Variants in SMYD3 observed in about 807,000 individuals in gnomAD.
SMYD3 encodes histone-lysine N-methyltransferase SMYD3.
Under a neutral mutation model 57.7 loss-of-function variants are expected in SMYD3, and 36 were observed. The observed-to-expected ratio is 0.62, with a 90% CI of 0.48 to 0.82. The LOEUF is 0.82. SMYD3 is among the 40% of genes least tolerant of loss of function. The pLI is 0.00. For missense variants in SMYD3, 515 were observed against 538.8 expected, an observed-to-expected ratio of 0.96 and a Z score of 0.44; for synonymous variants, 211 against 195.0, an observed-to-expected ratio of 1.08 and a Z score of -0.68.
At chr1:246,149,961 AC>A (rs2061915656) in intron 5 of SMYD3, among the ~76,000 whole-genome samples, 1 of 152,238 alleles carries the variant, frequency 6.6e-6, no homozygotes, top group African/African-American at 2.4e-5. Context: ...ATCTGAAACA[AC>A]CATTAACTTC....
chr1:246,019,376 ATTCTT>A, intron 5 of SMYD3, among the ~76,000 whole-genome samples: 1 of 152,374 alleles, frequency 6.6e-6, no homozygotes, highest in South Asian at 2.1e-4. Context: ...CTTTACAGCT[ATTCTT>A]TTGATTTCTT....
intron 10 of SMYD3, among the ~76,000 whole-genome samples, chr1:245,821,104 A>C (rs2049131221): frequency 6.7e-6 from 1 of 150,236 alleles, no homozygotes; most frequent in African/African-American, 2.4e-5. Flanking sequence ...TCCTAAGCCA[A>C]AAGAACAAAG....
chr1:246,468,996 AGCCTTTTCACGCTAAACC>A (rs2067920418), intron 1 of SMYD3, among the ~76,000 whole-genome samples: 1 of 152,206 alleles, frequency 6.6e-6, no homozygotes, highest in African/African-American at 2.4e-5. Context: ...TGTACATGGT[AGCCTTTTCACGCTAAACC>A]CAGGCTACTG....
intron 7 of SMYD3, among the ~76,000 whole-genome samples, chr1:245,927,090 A>C (rs2056424805): frequency 6.6e-6 from 1 of 152,254 alleles, no homozygotes; most frequent in Admixed American, 6.5e-5. Flanking sequence ...AAATGCAATA[A>C]AAGCTTTCAG....
chr1:246,507,018 T>G, intron 1 of SMYD3, 36 bp downstream of exon 1: 3 of 1,359,404 alleles, frequency 2.2e-6, no homozygotes, highest in Non-Finnish European at 2.9e-6. Context: ...CCCACACAGC[T>G]CGCGACTCAG....
intron 5 of SMYD3, among the ~76,000 whole-genome samples, chr1:246,284,206 G>GC (rs1437705397): frequency 6.6e-6 from 1 of 152,144 alleles, no homozygotes; most frequent in African/African-American, 2.4e-5. Flanking sequence ...TTCCCAACAG[G>GC]CAAGTGCTGC....
intron 1 of SMYD3, among the ~76,000 whole-genome samples, chr1:246,431,277 A>T (rs1004633287): frequency 2.0e-5 from 3 of 152,248 alleles, no homozygotes; most frequent in Non-Finnish European, 4.4e-5. Flanking sequence ...AAGCATAACT[A>T]ATTTGTTACC....
At chr1:245,894,073 G>C (rs2053577478) in intron 8 of SMYD3, among the ~76,000 whole-genome samples, 1 of 152,328 alleles carries the variant, frequency 6.6e-6, no homozygotes, top group Middle Eastern at 3.4e-3. Flanking sequence ...AAGCCAGCTG[G>C]ACTTCCAGGG....
intron 8 of SMYD3, among the ~76,000 whole-genome samples, chr1:245,866,956 T>C (rs910273295): frequency 1.3e-5 from 2 of 152,308 alleles, no homozygotes; most frequent in South Asian, 4.1e-4. Context: ...ACCCTAGATC[T>C]AAGCAAAATG....
chr1:245,871,366 AAAC>A (rs2052180598), intron 8 of SMYD3, among the ~76,000 whole-genome samples: 1 of 152,232 alleles, frequency 6.6e-6, no homozygotes, highest in African/African-American at 2.4e-5. Flanking sequence ...CCTTTGACAA[AAAC>A]AACTGAAAGC....
At chr1:246,229,681 G>A (rs919538201) in intron 5 of SMYD3, among the ~76,000 whole-genome samples, 9 of 152,156 alleles carry the variant, frequency 5.9e-5, no homozygotes, top group African/African-American at 1.9e-4. Flanking sequence ...GGCAAGGGGC[G>A]AGATACAGCA....
At chr1:245,919,160 C>A (rs2055675089) in intron 7 of SMYD3, among the ~76,000 whole-genome samples, 1 of 152,218 alleles carries the variant, frequency 6.6e-6, no homozygotes, top group Non-Finnish European at 1.5e-5. Context: ...ATCTTCTAAA[C>A]TGCTTTGAGA....
chr1:245,758,062 G>C (rs1443740930), intron 11 of SMYD3, among the ~76,000 whole-genome samples: 2 of 152,138 alleles, frequency 1.3e-5, no homozygotes, highest in Non-Finnish European at 2.9e-5. Context: ...CTATGAACAT[G>C]AGATGTCATT....
intron 1 of SMYD3, among the ~76,000 whole-genome samples, chr1:246,506,231 T>C (rs569798742): frequency 6.6e-6 from 1 of 152,344 alleles, no homozygotes; most frequent in South Asian, 2.1e-4. Context: ...TGAATGCAGT[T>C]CCTATTATTC....
intron 1 of SMYD3, among the ~76,000 whole-genome samples, chr1:246,411,313 A>T (rs1257766487): frequency 1.3e-5 from 2 of 152,210 alleles, no homozygotes; most frequent in Non-Finnish European, 2.9e-5. Context: ...ATCATTAAAA[A>T]GTCAGGAAAC....
At chr1:246,029,436 CAG>C in intron 5 of SMYD3, among the ~76,000 whole-genome samples, 1 of 152,100 alleles carries the variant, frequency 6.6e-6, no homozygotes, top group Non-Finnish European at 1.5e-5. Context: ...CCTTGGGAGA[CAG>C]AGGCGGGCAG....
At chr1:246,386,352 C>T (rs963065149) in intron 1 of SMYD3, among the ~76,000 whole-genome samples, 2 of 152,130 alleles carry the variant, frequency 1.3e-5, no homozygotes, top group African/African-American at 4.8e-5. Flanking sequence ...GTGTTTTCTA[C>T]TGGGTGATAT....
At chr1:246,375,280 T>C (rs1486109333) in intron 1 of SMYD3, among the ~76,000 whole-genome samples, 2 of 142,528 alleles carry the variant, frequency 1.4e-5, no homozygotes, top group East Asian at 2.2e-4. Flanking sequence ...TTATAAAACA[T>C]ACCTACTGGA....
At chr1:246,379,927 G>A (rs2066359970) in intron 1 of SMYD3, among the ~76,000 whole-genome samples, 2 of 151,600 alleles carry the variant, frequency 1.3e-5, no homozygotes, top group South Asian at 4.2e-4. Context: ...TTGAACCTGG[G>A]AGGTGGAGGT....
Sources: allele counts gnomAD v4.1 joint callset (sites outside exome capture counted in the v4.1 genomes callset), GRCh38; gene constraint gnomAD v4.1.1; transcripts MANE v1.5; gene names NCBI Gene and HGNC (gene_info 2026-07-23, HGNC 2026-07-21).